NBAS: variants seen among roughly 807,000 people sequenced by gnomAD.
NBAS encodes NBAS subunit of NRZ tethering complex, also known as NAG/BC035112 fusion.
NBAS carries 219 observed loss-of-function variants against 302.5 expected under a neutral mutation model. The ratio of observed to expected loss-of-function variants is 0.72; its 90% CI spans 0.65 to 0.81. The LOEUF (loss-of-function observed/expected upper bound fraction) is 0.81, where lower values mean the gene tolerates loss of function less well. Ranked by LOEUF, NBAS falls within the 30% of genes least tolerant of loss-of-function variation. The probability of loss-of-function intolerance (pLI) is 0.00; values close to 1 mark genes in which losing one functional copy is unlikely to be tolerated. For synonymous variants in NBAS, 1,118 were observed against 1,021.6 expected, an observed-to-expected ratio of 1.09 and a Z score of -1.80; for missense variants, 2,932 against 2,841.6, an observed-to-expected ratio of 1.03 and a Z score of -0.72.
the NBAS span, among the ~76,000 whole-genome samples, chr2:14,794,376 T>C: frequency 3.3e-5 from 5 of 152,182 alleles, no homozygotes; most frequent in African/African-American, 1.2e-4. Context: ...TTAGGTCTTC[T>C]TTTGCTTTTA....
the NBAS span, among the ~76,000 whole-genome samples, chr2:15,133,552 A>G: frequency 6.6e-6 from 1 of 152,188 alleles, no homozygotes; most frequent in Non-Finnish European, 1.5e-5. Context: ...TAGCTTTGGA[A>G]GATAAAATGG....
At chr2:14,981,513 C>T in the NBAS span, among the ~76,000 whole-genome samples, 1 of 152,206 alleles carries the variant, frequency 6.6e-6, no homozygotes, top group East Asian at 1.9e-4. Context: ...AGCTATTCGT[C>T]AGAAATTATA....
chr2:15,287,256 T>G (rs778253286), intron 41 of NBAS, 73 bp from the exon 42 acceptor site: 11 of 1,116,534 alleles, frequency 9.9e-6, no homozygotes, highest in Non-Finnish European at 1.5e-5. Context: ...ACGAAAATGC[T>G]CATTAGGACT....
the NBAS span, among the ~76,000 whole-genome samples, chr2:14,846,613 A>G: frequency 6.6e-6 from 1 of 152,134 alleles, no homozygotes; most frequent in African/African-American, 2.4e-5. Flanking sequence ...AATAATAACT[A>G]CAAATTTTCA....
chr2:15,393,469 C>A (rs917182490), intron 28 of NBAS, among the ~76,000 whole-genome samples: 15 of 152,056 alleles, frequency 9.9e-5, no homozygotes, highest in Non-Finnish European at 1.6e-4. Context: ...ATGTAGGATG[C>A]AGCAACTGTA....
the NBAS span, among the ~76,000 whole-genome samples, chr2:15,097,236 A>G: frequency 6.6e-6 from 1 of 152,254 alleles, no homozygotes; most frequent in Non-Finnish European, 1.5e-5. Flanking sequence ...GCCCTCAGTC[A>G]TAAGAACAGC....
At chr2:15,559,054 C>G (rs1004396660) in intron 1 of NBAS, among the ~76,000 whole-genome samples, 1 of 59,138 alleles carries the variant, frequency 1.7e-5, no homozygotes, top group Non-Finnish European at 4.3e-5. Flanking sequence ...CAGAGTGAGA[C>G]CCTGCCTCAA....
the NBAS span, among the ~76,000 whole-genome samples, chr2:14,854,686 A>G: frequency 1.5e-3 from 224 of 152,332 alleles, no homozygotes; most frequent in Non-Finnish European, 2.3e-3. Context: ...CTGTTAGAGC[A>G]GAAAGGAAAA....
At chr2:15,458,724 C>T (rs1679360016) in intron 21 of NBAS, among the ~76,000 whole-genome samples, 1 of 152,130 alleles carries the variant, frequency 6.6e-6, no homozygotes, top group African/African-American at 2.4e-5. Flanking sequence ...CAGACTAATA[C>T]AAACCTAAAT....
the NBAS span, among the ~76,000 whole-genome samples, chr2:14,859,773 G>A: frequency 6.6e-6 from 1 of 151,960 alleles, no homozygotes; most frequent in Non-Finnish European, 1.5e-5. Context: ...ACATTGGTCT[G>A]GGCAAAGAAT....
chr2:15,439,728 G>A (rs1490934200), intron 21 of NBAS, among the ~76,000 whole-genome samples: 4 of 152,198 alleles, frequency 2.6e-5, no homozygotes, highest in African/African-American at 9.7e-5. Flanking sequence ...GAAGCGCAAG[G>A]GGTCAGGGAG....
At chr2:15,483,461 A>G (rs887903995) in intron 12 of NBAS, 45 of 263,636 alleles carry the variant, frequency 1.7e-4, no homozygotes, top group Admixed American at 3.3e-4. Flanking sequence ...GACAAATAAT[A>G]AAACTTGAGA....
intron 45 of NBAS, among the ~76,000 whole-genome samples, chr2:15,235,468 CACTT>C (rs1667550244): frequency 1.3e-5 from 2 of 152,218 alleles, no homozygotes; most frequent in Admixed American, 1.3e-4. Context: ...CAAATACAGT[CACTT>C]AATGATAATA....
chr2:15,113,320 C>CGTGTGTCT, the NBAS span, among the ~76,000 whole-genome samples: 6 of 129,870 alleles, frequency 4.6e-5, no homozygotes, highest in African/African-American at 1.4e-4. Context: ...GGTATGAACT[C>CGTGTGTCT]GTGTGTGTGT....
intron 28 of NBAS, among the ~76,000 whole-genome samples, chr2:15,388,618 G>A (rs10201925): frequency 0.63 from 95,079 of 151,870 alleles, 30,533 homozygotes; most frequent in Middle Eastern, 0.69. Flanking sequence ...TGACTCAGCA[G>A]TTCCACTCCT....
At chr2:15,147,884 T>C in the NBAS span, among the ~76,000 whole-genome samples, 3 of 151,270 alleles carry the variant, frequency 2.0e-5, no homozygotes, top group Non-Finnish European at 4.4e-5. Context: ...CAGGCTCAGA[T>C]GAAGAAAACT....
chr2:15,196,435 T>A lies in NBAS; in HGVS notation c.6433-6032A>T, dbSNP rs1665623207. On this transcript the variant is annotated intron_variant, in intron 48 of 51. Coordinates refer to ENST00000281513, the MANE Select transcript of NBAS (RefSeq NM_015909.4). The stretch of plus-strand genomic sequence containing the variant: ...TACCATTAGGGGAAACTAGGCAAAG[T>A]GCACCAGAAATTGCTCTGTATTATT... 2.6e-5 allele frequency among the ~76,000 whole-genome samples: 4 copies of A among 152,310 alleles called. No individual in the cohort carries two copies. The South Asian group carries it at 8.3e-4, about 32-fold the overall frequency.
intron 44 of NBAS, among the ~76,000 whole-genome samples, chr2:15,250,764 G>T (rs186326700): frequency 6.6e-6 from 1 of 152,066 alleles, no homozygotes; most frequent in Non-Finnish European, 1.5e-5. Context: ...ATGAGATACC[G>T]TCTCATGCCG....
At chr2:14,871,689 A>G in the NBAS span, among the ~76,000 whole-genome samples, 3 of 152,158 alleles carry the variant, frequency 2.0e-5, no homozygotes, top group African/African-American at 7.2e-5. Flanking sequence ...TAGACTGTAT[A>G]TAATATGTTG....
Sources: allele counts gnomAD v4.1 joint callset (sites outside exome capture counted in the v4.1 genomes callset), GRCh38; gene constraint gnomAD v4.1.1; transcripts MANE v1.5; gene names NCBI Gene and HGNC (gene_info 2026-07-23, HGNC 2026-07-21).